MON2: variants seen among roughly 807,000 people sequenced by gnomAD.
MON2 encodes MON2 regulator of endosome-to-Golgi trafficking.
Under a neutral mutation model 208.6 loss-of-function variants are expected in MON2, and 84 were observed. The observed-to-expected ratio is 0.40, with a 90% CI of 0.34 to 0.48. MON2 has a LOEUF of 0.48. Ranked by LOEUF, MON2 falls within the 20% of genes least tolerant of loss-of-function variation. The pLI, the probability that MON2 is intolerant of heterozygous loss-of-function variation, is 0.59. For missense variants in MON2, 1,611 were observed against 2,015.4 expected (o/e 0.80, Z 3.84); for synonymous variants, 660 against 694.0 (o/e 0.95, Z 0.77).
intron 25 of MON2, among the ~76,000 whole-genome samples, chr12:62,556,997 C>T (rs1318906107): frequency 1.3e-5 from 2 of 151,864 alleles, no homozygotes; most frequent in African/African-American, 2.4e-5. Context: ...AGTTGCAAGG[C>T]TTGCTTGAGC....
rs79700827 is a variant in MON2, at chr12:62,506,823, T to C, written c.790-1463T>C. Among the ~76,000 whole-genome samples, 1,423 of 152,288 alleles carry C rather than the reference T, an allele frequency of 9.3e-3. 22 individuals are homozygous for C. The highest frequency in any genetic ancestry group is 0.032 in the African/African-American group (1,319 of 41,544). On this transcript the variant is annotated intron_variant, in intron 7 of 34. Coordinates refer to ENST00000393630, the MANE Select transcript of MON2 (RefSeq NM_015026.3). ...TTCTCTGTAAGATGAAAGGATTAGGTCAAATGATTTTTGTGATATTTTCTT... is the reference window on the plus strand; with the variant it reads ...TTCTCTGTAAGATGAAAGGATTAGGCCAAATGATTTTTGTGATATTTTCTT...
chr12:62,495,288 A>G (rs2070406911), intron 4 of MON2, 141 bp downstream of exon 4: 10 of 703,852 alleles, frequency 1.4e-5, no homozygotes, highest in Non-Finnish European at 2.0e-5. Flanking sequence ...GCATGTTAAT[A>G]ACTGTTGGTA....
At chr12:62,554,277 AT>A (rs1565679015) in intron 24 of MON2, among the ~76,000 whole-genome samples, 1 of 152,102 alleles carries the variant, frequency 6.6e-6, no homozygotes, top group African/African-American at 2.4e-5. Context: ...TCTCTTAAAC[AT>A]TAGAGAATAA....
chr12:62,467,228 C>A lies in MON2; in HGVS notation c.21C>A (p.Pro7=). The part of the protein sequence containing the change: MSGTSS[P]EAVKKLLENM... ...GGATCATGTCCGGCACCAGCAGCCC[C>A]GAGGCGGTGAAGAAGCTGCTGGAGA... Residue 7 remains proline, a synonymous_variant, in exon 1 of 35, where the codon CCC becomes CCA. Transcript: ENST00000393630. 6.2e-7 allele frequency: 1 copy of A among 1,613,366 alleles called. No homozygotes were observed. The highest frequency in any genetic ancestry group is 1.1e-5 in the South Asian group (1 of 91,068).
At chr12:62,524,744 A>C (rs900699822) in intron 9 of MON2, 105 bp downstream of exon 9, 1 of 1,099,050 alleles carries the variant, frequency 9.1e-7, no homozygotes, top group Non-Finnish European at 1.3e-6. Flanking sequence ...TTTGGTATTT[A>C]TTCCCAATAT....
chr12:62,556,274 T>C (rs1178348727), intron 25 of MON2, 82 bp downstream of exon 25: 2 of 1,276,708 alleles, frequency 1.6e-6, no homozygotes, highest in East Asian at 5.0e-5. Context: ...TTTTAGAGTC[T>C]ATCTTAACTT....
At position 62,560,486 on chromosome 12, in the gene MON2, T is replaced by C. The variant is rs1002975375; in HGVS notation, c.3410-5T>C. 6.3e-7 allele frequency: 1 copy of C among 1,591,478 alleles called. No individual in the cohort carries two copies. The highest frequency in any genetic ancestry group is 1.2e-5 in the South Asian group (1 of 86,474). On this transcript the variant is annotated splice_region_variant and splice_polypyrimidine_tract_variant and intron_variant, in intron 25 of 34. Transcript: ENST00000393630. Reference sequence around the variant, plus strand: ...TAATAGTTTTTTTTTCTCTTCCTAATATAGGAGATTTTTCAAGAGCTTGGG... The same window carrying C: ...TAATAGTTTTTTTTTCTCTTCCTAACATAGGAGATTTTTCAAGAGCTTGGG...
chr12:62,529,023 G>A (rs2072482378), intron 11 of MON2, among the ~76,000 whole-genome samples: 1 of 151,956 alleles, frequency 6.6e-6, no homozygotes. Flanking sequence ...CCCGCCTCAA[G>A]TACACCCCAG....
chr12:62,533,056 A>G (rs554163472), intron 12 of MON2, among the ~76,000 whole-genome samples: 24 of 152,306 alleles, frequency 1.6e-4, no homozygotes, highest in Non-Finnish European at 2.6e-4. Context: ...TTTAGTTGCC[A>G]TGTCTCAACT....
chr12:62,524,721 T>C (rs1465152794), intron 9 of MON2, 82 bp downstream of exon 9: 1 of 1,303,928 alleles, frequency 7.7e-7, no homozygotes, highest in Non-Finnish European at 1.1e-6. Flanking sequence ...GTTAATAAAC[T>C]AGTCAGAAGA....
intron 31 of MON2, 80 bp downstream of exon 31, chr12:62,578,585 G>C: frequency 2.3e-6 from 2 of 876,366 alleles, no homozygotes; most frequent in African/African-American, 1.8e-5. Flanking sequence ...TACAGTTGCT[G>C]AAAGAATAAA....
At chr12:62,538,197 C>T in intron 17 of MON2, 21 bp downstream of exon 17, 1 of 1,611,610 alleles carries the variant, frequency 6.2e-7, no homozygotes, top group South Asian at 1.1e-5. Flanking sequence ...GTCTTTCTTA[C>T]CCAATTAGTG....
At chr12:62,484,986 C>A (rs1040855673) in intron 2 of MON2, 3 of 148,030 alleles carry the variant, frequency 2.0e-5, no homozygotes, top group Non-Finnish European at 4.4e-5. Context: ...TACATAACAA[C>A]CTTGTGGGGA....
intron 29 of MON2, among the ~76,000 whole-genome samples, chr12:62,570,722 CTTTTTTTTTTTTTTTTT>C (rs1192680038): frequency 4.2e-4 from 30 of 70,864 alleles, no homozygotes; most frequent in African/African-American, 1.6e-3. Context: ...TTTTCTTTTT[CTTTTTTTTTTTTTTTTT>C]TTTTTTTTTT....
chr12:62,508,144 T>C lies in MON2; in HGVS notation c.790-142T>C, dbSNP rs1358288934. ...AAATTGTGCGTAAACTATAAAATAA[T>C]AAAACATATAAACTTATAGTAAAGC... On this transcript the variant is annotated intron_variant, in intron 7 of 34. Transcript: ENST00000393630. 9.1e-6 allele frequency: 6 copies of C among 659,548 alleles called. No individual in the cohort carries two copies. In the East Asian group the frequency reaches 1.7e-4, roughly 18 times the overall value. 40.9% of individuals were successfully genotyped at this position (659,548 alleles called of 1,614,324 possible). A position where few individuals can be genotyped will look rare whatever the true frequency, so the allele number is the denominator to read the frequency against.
intron 2 of MON2, among the ~76,000 whole-genome samples, chr12:62,488,691 C>G (rs376377832): frequency 5.9e-5 from 9 of 152,116 alleles, no homozygotes; most frequent in Non-Finnish European, 1.0e-4. Context: ...ATACCATTTT[C>G]AGAAATTGAC....
At chr12:62,471,539 G>A (rs1024155472) in intron 1 of MON2, among the ~76,000 whole-genome samples, 1 of 152,182 alleles carries the variant, frequency 6.6e-6, no homozygotes, top group Non-Finnish European at 1.5e-5. Context: ...TGACCAGTAG[G>A]TGTTTGAAAA....
intron 2 of MON2, among the ~76,000 whole-genome samples, chr12:62,486,215 C>G (rs1459690351): frequency 6.7e-6 from 1 of 150,080 alleles, no homozygotes; most frequent in East Asian, 1.9e-4. Context: ...TCCAATAATA[C>G]AAATTTTTAT....
chr12:62,471,771 G>A (rs1395223326), intron 1 of MON2, among the ~76,000 whole-genome samples: 2 of 152,180 alleles, frequency 1.3e-5, no homozygotes, highest in African/African-American at 2.4e-5. Flanking sequence ...GGTAAAACTC[G>A]TTAGAGGAAG....
Sources: gnomAD v4.1 joint callset for allele counts (sites outside exome capture counted in the v4.1 genomes callset) on GRCh38, gnomAD v4.1.1 for gene constraint, MANE v1.5 for transcripts, NCBI Gene and HGNC (gene_info 2026-07-23, HGNC 2026-07-21) for gene names.